The following PREX2 variants were observed in gnomAD, a reference collection of about 807,000 sequenced individuals.
The protein encoded by PREX2 is phosphatidylinositol-3,4,5-trisphosphate dependent Rac exchange factor 2.
In PREX2, 107 loss-of-function variants were observed where a neutral mutation model predicts 203.2. The ratio of observed to expected loss-of-function variants is 0.53; its 90% confidence interval spans 0.45 to 0.62. PREX2 has a LOEUF of 0.62. PREX2 is among the 20% of genes least tolerant of loss of function. The pLI is 0.00. For missense variants in PREX2, 1,777 were observed against 1,955.9 expected, an observed-to-expected ratio of 0.91 and a Z score of 1.72; for synonymous variants, 672 against 663.6, an observed-to-expected ratio of 1.01 and a Z score of -0.19.
intron 14 of PREX2, among the ~76,000 whole-genome samples, chr8:68,073,614 T>C (rs1809263385): frequency 6.6e-6 from 1 of 152,190 alleles, no homozygotes; most frequent in African/African-American, 2.4e-5. Context: ...AGTTTTTAGA[T>C]GAAACTAAAC....
chr8:68,002,759 ACAT>A, intron 1 of PREX2, among the ~76,000 whole-genome samples: 1 of 152,308 alleles, frequency 6.6e-6, no homozygotes, highest in South Asian at 2.1e-4. Context: ...GGTTTGGGAA[ACAT>A]CATTAATGCA....
intron 31 of PREX2, 48 bp downstream of exon 31, chr8:68,127,467 C>T (rs1810916653): frequency 1.4e-6 from 2 of 1,399,834 alleles, no homozygotes; most frequent in East Asian, 4.6e-5. Context: ...TGATTGTGGC[C>T]CAGGATCATA....
chr8:68,015,836 A>G (rs1463391381), intron 1 of PREX2, among the ~76,000 whole-genome samples: 1 of 152,240 alleles, frequency 6.6e-6, no homozygotes, highest in Admixed American at 6.5e-5. Flanking sequence ...AGAAAATTCT[A>G]ATTTTTTTCA....
At chr8:67,988,976 C>G (rs966356101) in intron 1 of PREX2, among the ~76,000 whole-genome samples, 1 of 152,128 alleles carries the variant, frequency 6.6e-6, no homozygotes, top group African/African-American at 2.4e-5. Context: ...GCAAACCAAG[C>G]ACGTGTATTG....
intron 14 of PREX2, among the ~76,000 whole-genome samples, chr8:68,075,321 G>A (rs550219232): frequency 3.9e-5 from 6 of 152,282 alleles, no homozygotes; most frequent in African/African-American, 1.2e-4. Flanking sequence ...TATTAAACAA[G>A]CTTTTCTTGT....
At chr8:68,205,879 T>C (rs964618) in intron 37 of PREX2, among the ~76,000 whole-genome samples, 41,523 of 152,110 alleles carry the variant, frequency 0.27, 7,830 homozygotes, top group East Asian at 0.71. Context: ...ACAATCAATA[T>C]ACTTACTTAG....
chr8:68,052,353 T>G (rs760277400), intron 8 of PREX2, among the ~76,000 whole-genome samples: 7 of 152,180 alleles, frequency 4.6e-5, no homozygotes, highest in Non-Finnish European at 1.0e-4. Flanking sequence ...TACCCGCTGT[T>G]AGGCAGACAG....
intron 7 of PREX2, among the ~76,000 whole-genome samples, chr8:68,042,685 A>G (rs1808232304): frequency 6.6e-6 from 1 of 152,076 alleles, no homozygotes; most frequent in Non-Finnish European, 1.5e-5. Context: ...TAAATTTGCA[A>G]TATTATAATA....
intron 31 of PREX2, among the ~76,000 whole-genome samples, chr8:68,133,182 T>G (rs1354957950): frequency 6.6e-6 from 1 of 152,116 alleles, no homozygotes; most frequent in African/African-American, 2.4e-5. Context: ...CAGGAAAAAC[T>G]GCCATGTATA....
Position 68,046,692 on chromosome 8 carries a change from T to TTAA in PREX2, c.943+2102_943+2103insTAA, listed in dbSNP as rs1486747362. ...TTCTTTAAAGTAAGATGAAAACATT[T>TTAA]ATTACATCTTGTATTATTCAACTGG... On this transcript the variant is annotated intron_variant, in intron 8 of 39. Transcript: ENST00000288368. Among the ~76,000 whole-genome samples, 46 of 152,224 alleles carry TTAA rather than the reference T, an allele frequency of 3.0e-4. 1 individual carries two copies. In the Middle Eastern group the frequency reaches 0.017, roughly 56 times the overall value.
intron 31 of PREX2, among the ~76,000 whole-genome samples, chr8:68,133,552 A>G (rs963500575): frequency 7.9e-5 from 12 of 152,238 alleles, no homozygotes; most frequent in Non-Finnish European, 4.4e-5. Flanking sequence ...ATAATTGCAA[A>G]CAATTGAACA....
chr8:68,224,880 T>C (rs988967933), intron 39 of PREX2, among the ~76,000 whole-genome samples: 2 of 152,152 alleles, frequency 1.3e-5, no homozygotes, highest in African/African-American at 2.4e-5. Flanking sequence ...ACTACTAAAA[T>C]TTGAAATCCA....
chr8:68,012,877 T>C (rs983281206), intron 1 of PREX2, among the ~76,000 whole-genome samples: 7 of 152,156 alleles, frequency 4.6e-5, no homozygotes, highest in African/African-American at 1.4e-4. Flanking sequence ...TAAACAAAGG[T>C]TTAATCCAGC....
chr8:68,051,694 G>A (rs191425709), intron 8 of PREX2, among the ~76,000 whole-genome samples: 1 of 152,152 alleles, frequency 6.6e-6, no homozygotes, highest in Non-Finnish European at 1.5e-5. Context: ...ACTTTGTGTA[G>A]GATGGGAACA....
At chr8:68,075,127 C>A (rs974811317) in intron 14 of PREX2, among the ~76,000 whole-genome samples, 2 of 152,126 alleles carry the variant, frequency 1.3e-5, no homozygotes, top group Non-Finnish European at 2.9e-5. Flanking sequence ...CACATCCATG[C>A]GGTCTTACTG....
At chr8:68,036,088 C>G (rs761678313) in intron 6 of PREX2, among the ~76,000 whole-genome samples, 3 of 152,056 alleles carry the variant, frequency 2.0e-5, no homozygotes, top group Non-Finnish European at 4.4e-5. Context: ...CTGATGGGGA[C>G]TTATAATAAT....
Position 68,030,634 on chromosome 8 carries a change from G to C in PREX2, c.681G>C (p.Trp227Cys). The C allele has an allele frequency of 6.2e-7, 1 of 1,613,572 alleles. No homozygotes were observed. The highest frequency in any genetic ancestry group is 1.3e-5 in the African/African-American group (1 of 74,998). Residue 227 changes from tryptophan to cysteine, a missense_variant, in exon 6 of 40, where the codon TGG (tryptophan) becomes TGC (cysteine). Coordinates refer to ENST00000288368, the MANE Select transcript of PREX2 (RefSeq NM_024870.4). Reference protein sequence around the residue: ...QMEKLEVLEEWQSHIEGWEGS... With the variant: ...QMEKLEVLEECQSHIEGWEGS... ...AGAAGTTAGAAGTTTTAGAGGAATG[G>C]CAGTCTCACATTGAAGGCTGGGAGG...
At chr8:67,982,015 C>A (rs1431262532) in intron 1 of PREX2, among the ~76,000 whole-genome samples, 3 of 152,160 alleles carry the variant, frequency 2.0e-5, no homozygotes, top group Non-Finnish European at 4.4e-5. Context: ...GTTTTAATCC[C>A]CTGTCTCCTT....
intron 18 of PREX2, among the ~76,000 whole-genome samples, chr8:68,086,399 A>G (rs1316891399): frequency 2.6e-5 from 4 of 152,200 alleles, no homozygotes; most frequent in Non-Finnish European, 5.9e-5. Context: ...TAAACTGCAG[A>G]TAAGTCCTGC....
Sources: allele counts gnomAD v4.1 joint callset (sites outside exome capture counted in the v4.1 genomes callset), GRCh38; gene constraint gnomAD v4.1.1; transcripts MANE v1.5; gene names NCBI Gene and HGNC (gene_info 2026-07-23, HGNC 2026-07-21).